The following MAPK10 variants were observed in gnomAD, a reference collection of about 807,000 sequenced individuals.
MAPK10 encodes the protein mitogen-activated protein kinase 10.
In MAPK10, 25 loss-of-function variants were observed where a neutral mutation model predicts 59.3. That is an observed-to-expected ratio of 0.42 (90% CI 0.31 to 0.59). The LOEUF is 0.59. Among genes scored for constraint, MAPK10 ranks in the 20% least tolerant of loss-of-function variants. The probability of loss-of-function intolerance (pLI) is 0.15; values close to 1 mark genes in which losing one functional copy is unlikely to be tolerated. For missense variants in MAPK10, 351 were observed against 568.9 expected (o/e 0.62, Z 3.90); for synonymous variants, 190 against 200.5 (o/e 0.95, Z 0.44).
chr4:86,171,204 A>G (rs2074013377), intron 3 of MAPK10: 1 of 151,914 alleles, frequency 6.6e-6, no homozygotes, highest in African/African-American at 2.4e-5. Context: ...AGCTAGCAGA[A>G]GGCAAGAAAT....
intron 2 of MAPK10, among the ~76,000 whole-genome samples, chr4:86,225,413 T>C (rs916850384): frequency 6.6e-6 from 1 of 152,220 alleles, no homozygotes; most frequent in African/African-American, 2.4e-5. Flanking sequence ...AATCTGTTGC[T>C]GTAGGAAATG....
chr4:86,548,282 G>C (rs1434779341), intron 1 of MAPK10, among the ~76,000 whole-genome samples: 2 of 152,040 alleles, frequency 1.3e-5, no homozygotes, highest in East Asian at 3.9e-4. Context: ...GAGCCAGCGA[G>C]ACCGCGAACC....
chr4:86,546,970 C>T (rs552190386), intron 1 of MAPK10, among the ~76,000 whole-genome samples: 30 of 152,082 alleles, frequency 2.0e-4, no homozygotes, highest in Admixed American at 1.0e-3. Context: ...GCAGGAGAAC[C>T]GTGTGAACCC....
At chr4:86,488,228 C>G (rs1039935156) in intron 1 of MAPK10, among the ~76,000 whole-genome samples, 1 of 152,168 alleles carries the variant, frequency 6.6e-6, no homozygotes, top group Non-Finnish European at 1.5e-5. Flanking sequence ...CTAGCAAGCA[C>G]AATTCAGTAA....
At chr4:86,518,129 T>C (rs980860485) in intron 1 of MAPK10, among the ~76,000 whole-genome samples, 4 of 152,178 alleles carry the variant, frequency 2.6e-5, no homozygotes, top group African/African-American at 9.7e-5. Flanking sequence ...TTAAAGCGAT[T>C]TTCCTGCCTC....
intron 1 of MAPK10, among the ~76,000 whole-genome samples, chr4:86,421,465 G>T (rs913988893): frequency 6.6e-6 from 1 of 152,088 alleles, no homozygotes; most frequent in Non-Finnish European, 1.5e-5. Context: ...TTCTAGCAGC[G>T]CCCCCTTGCA....
chr4:86,503,714 G>A (rs528590818), intron 1 of MAPK10, among the ~76,000 whole-genome samples: 2 of 152,158 alleles, frequency 1.3e-5, no homozygotes, highest in African/African-American at 4.8e-5. Flanking sequence ...TTCAGATTAT[G>A]TCACTGTTCT....
intron 1 of MAPK10, among the ~76,000 whole-genome samples, chr4:86,484,870 C>T (rs1226151020): frequency 6.6e-6 from 1 of 152,134 alleles, no homozygotes; most frequent in Non-Finnish European, 1.5e-5. Context: ...GCACCGGTCT[C>T]TTGTGTACTA....
intron 2 of MAPK10, among the ~76,000 whole-genome samples, chr4:86,319,132 A>T (rs2095843564): frequency 6.6e-6 from 1 of 152,160 alleles, no homozygotes; most frequent in Non-Finnish European, 1.5e-5. Context: ...GGTGGGTAAA[A>T]CGTTGGTTGG....
chr4:86,411,281 T>A (rs1276393116), intron 1 of MAPK10, among the ~76,000 whole-genome samples: 1 of 152,214 alleles, frequency 6.6e-6, no homozygotes, highest in Non-Finnish European at 1.5e-5. Context: ...TTGTTGTGAT[T>A]TCTGTTCTTT....
intron 2 of MAPK10, among the ~76,000 whole-genome samples, chr4:86,320,368 G>C (rs1168633798): frequency 6.6e-6 from 1 of 152,206 alleles, no homozygotes; most frequent in East Asian, 1.9e-4. Context: ...AGAGCCTGCA[G>C]TGATAGAACT....
chr4:86,359,852 T>C lies in MAPK10; in HGVS notation c.-316A>G. ...TTAAACTCACTCAAGCCCCTAGGAA[T>C]TGAGGGGTGAGGACAAAAAAGGAAA... On this transcript the variant is annotated 5_prime_UTR_variant, in exon 1 of 14. Coordinates refer to ENST00000641462, the MANE Select transcript of MAPK10 (RefSeq NM_138982.4). 1.0e-6 allele frequency: 1 copy of C among 985,424 alleles called. No homozygotes were observed. The highest frequency in any genetic ancestry group is 1.2e-6 in the Non-Finnish European group (1 of 829,880). 61.0% of individuals were successfully genotyped at this position (985,424 alleles called of 1,614,324 possible).
chr4:86,053,558 CT>C (rs1003682986), intron 11 of MAPK10, among the ~76,000 whole-genome samples: 3 of 152,122 alleles, frequency 2.0e-5, no homozygotes, highest in African/African-American at 7.2e-5. Flanking sequence ...ATTCTTTTCT[CT>C]TTTTTATTCT....
At chr4:86,163,726 T>A (rs993702761) in intron 3 of MAPK10, among the ~76,000 whole-genome samples, 9 of 152,062 alleles carry the variant, frequency 5.9e-5, no homozygotes. Flanking sequence ...ATCACTGTTT[T>A]AGACAATAGT....
At chr4:86,409,700 T>A (rs957585357) in intron 1 of MAPK10, among the ~76,000 whole-genome samples, 5 of 152,216 alleles carry the variant, frequency 3.3e-5, no homozygotes, top group African/African-American at 1.2e-4. Context: ...TGGCTCTCTG[T>A]TTGCCTATTA....
At chr4:86,435,033 G>A (rs1009079652) in intron 1 of MAPK10, among the ~76,000 whole-genome samples, 7 of 152,144 alleles carry the variant, frequency 4.6e-5, no homozygotes, top group Non-Finnish European at 1.0e-4. Flanking sequence ...AGTGAAATAA[G>A]CCAACCACAG....
chr4:86,475,001 AG>A (rs1307421347), intron 1 of MAPK10, among the ~76,000 whole-genome samples: 1 of 152,080 alleles, frequency 6.6e-6, no homozygotes, highest in Non-Finnish European at 1.5e-5. Context: ...TGGCTCAAAA[AG>A]CTCCCCGACT....
intron 9 of MAPK10, among the ~76,000 whole-genome samples, chr4:86,094,300 C>A (rs933678411): frequency 1.3e-5 from 2 of 151,894 alleles, no homozygotes; most frequent in Admixed American, 1.3e-4. Flanking sequence ...TAACTTGGCT[C>A]CTTGGCAAGG....
At chr4:86,421,054 C>T (rs866000965) in intron 1 of MAPK10, among the ~76,000 whole-genome samples, 11 of 151,716 alleles carry the variant, frequency 7.3e-5, no homozygotes, top group Middle Eastern at 3.4e-3. Context: ...TGCACTCCAG[C>T]CTGGGTGACA....
Sources: gnomAD v4.1 joint callset for allele counts (sites outside exome capture counted in the v4.1 genomes callset) on GRCh38, gnomAD v4.1.1 for gene constraint, MANE v1.5 for transcripts, NCBI Gene and HGNC (gene_info 2026-07-23, HGNC 2026-07-21) for gene names.